The following SDR16C5 variants were observed in gnomAD, a reference collection of about 807,000 sequenced individuals.
SDR16C5 encodes the protein epidermal retinol dehydrogenase 2.
SDR16C5 carries 20 observed loss-of-function variants against 27.7 expected under a neutral mutation model. That is an observed-to-expected ratio of 0.72 (90% CI 0.51 to 1.05). SDR16C5 has a LOEUF of 1.05. Among genes scored for constraint, SDR16C5 ranks in the 50% least tolerant of loss-of-function variants. The probability of loss-of-function intolerance (pLI) is 0.00; values close to 1 mark genes in which losing one functional copy is unlikely to be tolerated. For synonymous variants in SDR16C5, 139 were observed against 132.3 expected (o/e 1.05, Z -0.35); for missense variants, 374 against 366.3 (o/e 1.02, Z -0.17).
At position 56,300,235 on chromosome 8, in the gene SDR16C5, G is replaced by A. The variant is rs1042460347; in HGVS notation, c.*1245C>T. 2 of 150,628 alleles carry A rather than the reference G, an allele frequency of 1.3e-5. No individual in the cohort carries two copies. Among genetic ancestry groups the A allele is most frequent in the Admixed American group, 6.6e-5 (1 of 15,118 alleles). The allele number at this position is 150,628 out of a possible 1,614,324, so 9.3% of individuals were successfully genotyped here. A position where few individuals can be genotyped will look rare whatever the true frequency, so the allele number is the denominator to read the frequency against. On this transcript the variant is annotated 3_prime_UTR_variant, in exon 7 of 7. Transcript: ENST00000303749. Reference sequence around the variant, plus strand: ...AATACAGATCAGGGCTGTCATGTTCGTGCAGGCCACTCAAGGTAAACCATA... The same window carrying A: ...AATACAGATCAGGGCTGTCATGTTCATGCAGGCCACTCAAGGTAAACCATA...
At chr8:56,307,889 CG>C (rs1814925802) in intron 4 of SDR16C5, among the ~76,000 whole-genome samples, 1 of 152,010 alleles carries the variant, frequency 6.6e-6, no homozygotes, top group Admixed American at 6.6e-5. Flanking sequence ...GCTGCAGGTG[CG>C]AGAGTCCTGT....
At chr8:56,307,137 G>A (rs772825352) in intron 4 of SDR16C5, among the ~76,000 whole-genome samples, 1 of 152,158 alleles carries the variant, frequency 6.6e-6, no homozygotes, top group Non-Finnish European at 1.5e-5. Context: ...TTCTTACATG[G>A]TGCCTTGTCT....
At chr8:56,319,067 G>A (rs1422890224) in intron 1 of SDR16C5, among the ~76,000 whole-genome samples, 4 of 144,366 alleles carry the variant, frequency 2.8e-5, no homozygotes, top group Non-Finnish European at 6.0e-5. Flanking sequence ...TATAGGTAAA[G>A]TTTTAAGGAG....
chr8:56,307,507 C>A (rs1814916008), intron 4 of SDR16C5, among the ~76,000 whole-genome samples: 1 of 152,232 alleles, frequency 6.6e-6, no homozygotes, highest in African/African-American at 2.4e-5. Context: ...TACATTAACA[C>A]TTTCCTTTGC....
In SDR16C5 at chr8:56,301,444, CTG is replaced by C. The variant is rs1313601354; in HGVS notation, c.*34_*35del. ...TCATTGAAGTACGCATTATGTAACA[CTG>C]TGTATCAGATGACCTTAGCCATAGA... On this transcript the variant is annotated 3_prime_UTR_variant, in exon 7 of 7. Transcript: ENST00000303749. The C allele has an allele frequency of 7.1e-7, 1 of 1,407,668 alleles. No individual in the cohort carries two copies. 87.2% of individuals were successfully genotyped at this position (1,407,668 alleles called of 1,614,324 possible). A position where few individuals can be genotyped will look rare whatever the true frequency, so the allele number is the denominator to read the frequency against.
chr8:56,305,785 A>T, intron 5 of SDR16C5, 63 bp from the exon 6 acceptor site: 1 of 1,506,270 alleles, frequency 6.6e-7, no homozygotes, highest in Non-Finnish European at 8.9e-7. Context: ...AATAAAGATA[A>T]TTTTTCAAAT....
In SDR16C5 at chr8:56,316,175, A is replaced by G. The variant is rs768838625; in HGVS notation, c.173T>C (p.Leu58Ser). The G allele has an allele frequency of 1.2e-5, 20 of 1,614,136 alleles. No homozygotes were observed. The highest frequency in any genetic ancestry group is 1.5e-5 in the Non-Finnish European group (18 of 1,179,976). The change falls in exon 2 of 7, where the codon TTG becomes TCG. Residue 58 changes from leucine to serine, a missense_variant. Coordinates refer to ENST00000303749, the MANE Select transcript of SDR16C5 (RefSeq NM_138969.4). ...AGSGLGRLLA[L>S]QFARLGSVLV... ...AACAGATCCCAGCCGGGCAAACTGC[A>G]AGGCTAAGAGCCTTCCGAGTCCACT...
Position 56,316,109 on chromosome 8 carries a change from G to A in SDR16C5, c.239C>T (p.Thr80Ile), listed in dbSNP as rs746174961. 8 of 1,614,120 alleles carry A rather than the reference G, an allele frequency of 5.0e-6. No individual in the cohort carries two copies. The South Asian group carries it at 6.6e-5, about 13-fold the overall frequency. ...WDINKEGNEETCKMAREAGAT... is the reference protein window; with the variant it reads ...WDINKEGNEEICKMAREAGAT... Reference sequence around the variant, plus strand: ...TCCAGCTTCCCGAGCCATCTTACATGTTTCCTCATTCCCCTCCTTATTGAT... The same window carrying A: ...TCCAGCTTCCCGAGCCATCTTACATATTTCCTCATTCCCCTCCTTATTGAT... The change falls in exon 2 of 7, where the codon ACA (threonine) becomes ATA (isoleucine). Residue 80 changes from threonine (T) to isoleucine (I), a missense_variant. Transcript: ENST00000303749.
chr8:56,318,540 A>G (rs1293207629), intron 1 of SDR16C5, among the ~76,000 whole-genome samples: 1 of 152,204 alleles, frequency 6.6e-6, no homozygotes, highest in Non-Finnish European at 1.5e-5. Flanking sequence ...AATCCACACC[A>G]GGAGTAGTTG....
chr8:56,308,797 C>T (rs1260083151), intron 4 of SDR16C5, 131 bp downstream of exon 4: 1 of 603,120 alleles, frequency 1.7e-6, no homozygotes, highest in Non-Finnish European at 2.9e-6. Context: ...TTATCAACCA[C>T]TTATTGACTA....
chr8:56,315,853 T>G (rs778322844), intron 2 of SDR16C5, among the ~76,000 whole-genome samples, 162 bp downstream of exon 2: 1 of 152,214 alleles, frequency 6.6e-6, no homozygotes, highest in Non-Finnish European at 1.5e-5. Flanking sequence ...GTTAGTACAG[T>G]GTCTTTGCAT....
chr8:56,305,449 G>T, intron 6 of SDR16C5, 148 bp downstream of exon 6: 1 of 656,614 alleles, frequency 1.5e-6, no homozygotes, highest in Non-Finnish European at 2.3e-6. Context: ...GTCAGCAATG[G>T]GCACAATGAT....
rs541455866 is a variant in SDR16C5, at chr8:56,303,473, C to T, written c.837-1900G>A. On this transcript the variant is annotated intron_variant, in intron 6 of 6. Coordinates refer to ENST00000303749, the MANE Select transcript of SDR16C5 (RefSeq NM_138969.4). ...TTTTTGTTTGTTTCTTTTCTGCCCC[C>T]TCACCCCACAGGAAGTGATTTCCAC... Among the ~76,000 whole-genome samples the T allele has an allele frequency of 2.2e-4, 34 of 152,162 alleles. No homozygotes were observed. In the South Asian group the frequency reaches 6.6e-3, roughly 30 times the overall value.
chr8:56,317,806 G>T (rs971322224), intron 1 of SDR16C5, among the ~76,000 whole-genome samples: 3 of 152,272 alleles, frequency 2.0e-5, no homozygotes, highest in Admixed American at 6.5e-5. Flanking sequence ...GTGCTGGTTA[G>T]CTGGTGAGGG....
At chr8:56,318,385 G>A (rs962204326) in intron 1 of SDR16C5, among the ~76,000 whole-genome samples, 2 of 152,160 alleles carry the variant, frequency 1.3e-5, no homozygotes, top group African/African-American at 4.8e-5. Context: ...AACTTGAAAA[G>A]GTGTCCTGAA....
intron 6 of SDR16C5, among the ~76,000 whole-genome samples, chr8:56,301,842 T>A (rs2129255866): frequency 6.6e-6 from 1 of 152,300 alleles, no homozygotes; most frequent in African/African-American, 2.4e-5. Flanking sequence ...CACTGTACAA[T>A]GACACAGAGG....
intron 2 of SDR16C5, among the ~76,000 whole-genome samples, chr8:56,315,584 C>T (rs1473861846): frequency 1.3e-5 from 2 of 152,106 alleles, no homozygotes; most frequent in African/African-American, 2.4e-5. Context: ...CTCTGTATCT[C>T]GAGTCCTTAT....
intron 5 of SDR16C5, 107 bp from the exon 6 acceptor site, chr8:56,305,829 T>C (rs919195556): frequency 4.5e-6 from 5 of 1,117,780 alleles, no homozygotes; most frequent in Non-Finnish European, 5.0e-6. Flanking sequence ...TTATCACTTA[T>C]TTCTTTGCTT....
intron 5 of SDR16C5, 69 bp downstream of exon 5, chr8:56,306,607 A>T (rs1485148380): frequency 1.4e-6 from 2 of 1,387,452 alleles, no homozygotes; most frequent in African/African-American, 2.9e-5. Flanking sequence ...AACTTAAAAA[A>T]AAGAACAAAA....
Sources: gnomAD v4.1 joint callset for allele counts (sites outside exome capture counted in the v4.1 genomes callset) on GRCh38, gnomAD v4.1.1 for gene constraint, MANE v1.5 for transcripts, NCBI Gene and HGNC (gene_info 2026-07-23, HGNC 2026-07-21) for gene names.